CSMD1: variants seen among roughly 807,000 people sequenced by gnomAD.
The protein encoded by CSMD1 is CUB and Sushi multiple domains 1.
CSMD1 carries 213 observed loss-of-function variants against 417.5 expected under a neutral mutation model. The ratio of observed to expected loss-of-function variants is 0.51; its 90% CI spans 0.46 to 0.57. CSMD1 has a LOEUF of 0.57. Ranked by LOEUF, CSMD1 falls within the 20% of genes least tolerant of loss-of-function variation. CSMD1 has a pLI of 0.00. For synonymous variants in CSMD1, 2,862 were observed against 1,736.8 expected (o/e 1.65, Z -16.11); for missense variants, 6,923 against 4,529.7 (o/e 1.53, Z -15.17).
At chr8:4,209,198 C>A (rs1229581208) in intron 3 of CSMD1, among the ~76,000 whole-genome samples, 2 of 152,118 alleles carry the variant, frequency 1.3e-5, no homozygotes, top group African/African-American at 2.4e-5. Context: ...GGCTTTATCG[C>A]TCACCTTTTC....
At chr8:4,636,073 TA>T (rs1164458554) in intron 2 of CSMD1, among the ~76,000 whole-genome samples, 3 of 152,090 alleles carry the variant, frequency 2.0e-5, no homozygotes, top group Non-Finnish European at 4.4e-5. Context: ...TATTATAAAC[TA>T]GATGTACACA....
chr8:4,369,808 C>T (rs181569401), intron 3 of CSMD1, among the ~76,000 whole-genome samples: 7 of 152,130 alleles, frequency 4.6e-5, no homozygotes, highest in Admixed American at 4.6e-4. Flanking sequence ...CATCCCTTTA[C>T]TTCGAGACTA....
intron 3 of CSMD1, among the ~76,000 whole-genome samples, chr8:4,243,911 G>C (rs555216458): frequency 3.3e-5 from 5 of 152,202 alleles, no homozygotes; most frequent in Non-Finnish European, 5.9e-5. Context: ...TAGGTTAGCA[G>C]AGAGTTTGCT....
intron 3 of CSMD1, among the ~76,000 whole-genome samples, chr8:4,309,429 A>C (rs1389732567): frequency 6.6e-6 from 1 of 151,672 alleles, no homozygotes; most frequent in Non-Finnish European, 1.5e-5. Flanking sequence ...ATTAAATTCA[A>C]AATTTTTATA....
At chr8:4,469,861 G>C (rs777188821) in intron 2 of CSMD1, among the ~76,000 whole-genome samples, 9 of 148,106 alleles carry the variant, frequency 6.1e-5, no homozygotes, top group Non-Finnish European at 1.0e-4. Flanking sequence ...TCTGGCCTTT[G>C]GTTTTCCTTT....
intron 10 of CSMD1, among the ~76,000 whole-genome samples, chr8:3,525,101 C>G (rs1021285317): frequency 1.3e-5 from 2 of 152,194 alleles, no homozygotes; most frequent in Non-Finnish European, 2.9e-5. Context: ...ATTTTTCAAG[C>G]TCAAAGTTAC....
intron 3 of CSMD1, among the ~76,000 whole-genome samples, chr8:4,136,010 T>A (rs1748777176): frequency 6.6e-6 from 1 of 152,064 alleles, no homozygotes; most frequent in South Asian, 2.1e-4. Context: ...GAATTCAATT[T>A]CAAAAAATAT....
At chr8:4,616,645 G>A (rs914028377) in intron 2 of CSMD1, among the ~76,000 whole-genome samples, 19 of 152,282 alleles carry the variant, frequency 1.2e-4, no homozygotes, top group Admixed American at 1.2e-3. Flanking sequence ...CATTGGACAT[G>A]CCAACGCTTG....
chr8:4,185,138 CAAAAAAAAAAAAAAA>C (rs56216926), intron 3 of CSMD1, among the ~76,000 whole-genome samples: 1 of 75,120 alleles, frequency 1.3e-5, no homozygotes, highest in African/African-American at 5.4e-5. Flanking sequence ...AATTTTGCCT[CAAAAAAAAAAAAAAA>C]AAAAAAAAAG....
intron 3 of CSMD1, among the ~76,000 whole-genome samples, chr8:4,319,284 T>A (rs916310328): frequency 6.6e-6 from 1 of 152,170 alleles, no homozygotes; most frequent in African/African-American, 2.4e-5. Context: ...TAATGTCCTT[T>A]CCTTGCTTTT....
intron 37 of CSMD1, 59 bp from the exon 38 acceptor site, chr8:3,162,336 T>C (rs1420068035): frequency 3.5e-5 from 39 of 1,116,584 alleles, no homozygotes; most frequent in Admixed American, 9.9e-5. Flanking sequence ...TCTTATCATT[T>C]GAATAACCAA....
In CSMD1 at chr8:3,800,279, T is replaced by C. The variant is rs1330409029; in HGVS notation, c.819-46237A>G. 5.3e-5 allele frequency among the ~76,000 whole-genome samples: 8 copies of C among 152,132 alleles called. No individual in the cohort carries two copies. The East Asian group carries it at 5.8e-4, about 11-fold the overall frequency. Reference sequence around the variant, plus strand: ...CATTATATATTGGGAATACAAGAAGTTTAATGCCATGAGAAGTTATACTGG... The same window carrying C: ...CATTATATATTGGGAATACAAGAAGCTTAATGCCATGAGAAGTTATACTGG... On this transcript the variant is annotated intron_variant, in intron 5 of 69. Transcript: ENST00000635120.
intron 47 of CSMD1, 145 bp downstream of exon 47, chr8:3,096,704 C>T (rs560787810): frequency 1.6e-6 from 1 of 615,090 alleles, no homozygotes; most frequent in South Asian, 2.2e-5. Context: ...ATGCATAACC[C>T]CAAACTAGTT....
chr8:3,300,099 C>G (rs543554795), intron 25 of CSMD1, among the ~76,000 whole-genome samples: 3 of 152,084 alleles, frequency 2.0e-5, no homozygotes, highest in South Asian at 2.1e-4. Flanking sequence ...TAAATTAAGG[C>G]ACATTCAGGC....
rs1270049478 is a variant in CSMD1 at position 4,320,143 on chromosome 8, G to A, written c.415+99810C>T. On this transcript the variant is annotated intron_variant, in intron 3 of 69. Coordinates refer to ENST00000635120, the MANE Select transcript of CSMD1 (RefSeq NM_033225.6). ...TAATTTAACTGTGTAACAGAACAAA[G>A]CACAAAACTTTATTTAGAGAAATGC... is the stretch of plus-strand genomic sequence containing the variant. Among the ~76,000 whole-genome samples the A allele has an allele frequency of 2.2e-4, 34 of 152,084 alleles. 1 individual carries two copies. The highest frequency in any genetic ancestry group is 2.2e-3 in the Admixed American group (34 of 15,260).
intron 1 of CSMD1, among the ~76,000 whole-genome samples, chr8:4,864,345 GAAAACAA>G (rs1262107898): frequency 6.6e-6 from 1 of 151,610 alleles, no homozygotes; most frequent in Admixed American, 6.6e-5. Context: ...TAATTAGAAT[GAAAACAA>G]AAAACAAGTA....
At chr8:3,212,242 C>T (rs1275102474) in intron 30 of CSMD1, among the ~76,000 whole-genome samples, 1 of 152,184 alleles carries the variant, frequency 6.6e-6, no homozygotes, top group East Asian at 1.9e-4. Flanking sequence ...ACTTCCCATT[C>T]ACAAAAGTCT....
chr8:3,903,923 T>A (rs1341667574), intron 5 of CSMD1, among the ~76,000 whole-genome samples: 1 of 152,114 alleles, frequency 6.6e-6, no homozygotes, highest in Non-Finnish European at 1.5e-5. Context: ...ACCATGTACC[T>A]CTTTGGTTCA....
At chr8:3,099,409 G>T in intron 46 of CSMD1, among the ~76,000 whole-genome samples, 1 of 152,114 alleles carries the variant, frequency 6.6e-6, no homozygotes, top group East Asian at 1.9e-4. Flanking sequence ...CTGTGGTGGA[G>T]CAGATGGCAG....
Sources: gnomAD v4.1 joint callset for allele counts (sites outside exome capture counted in the v4.1 genomes callset) on GRCh38, gnomAD v4.1.1 for gene constraint, MANE v1.5 for transcripts, NCBI Gene and HGNC (gene_info 2026-07-23, HGNC 2026-07-21) for gene names.